The following ASB5 variants were observed in gnomAD, a reference collection of about 807,000 sequenced individuals.
ASB5 encodes the protein ankyrin repeat and SOCS box protein 5.
Under a neutral mutation model 42.1 loss-of-function variants are expected in ASB5, and 45 were observed. That is an observed-to-expected ratio of 1.07 (90% confidence interval 0.84 to 1.37). The LOEUF (loss-of-function observed/expected upper bound fraction) is 1.37, where lower values mean the gene tolerates loss of function less well. Ranked by LOEUF, ASB5 falls within the 40% of genes most tolerant of loss-of-function variation. The probability of loss-of-function intolerance (pLI) is 0.00; values close to 1 mark genes in which losing one functional copy is unlikely to be tolerated. For missense variants in ASB5, 402 were observed against 399.8 expected, an observed-to-expected ratio of 1.01 and a Z score of -0.05; for synonymous variants, 147 against 150.6, an observed-to-expected ratio of 0.98 and a Z score of 0.18.
chr4:176,267,813 T>A (rs1292966440), intron 1 of ASB5, among the ~76,000 whole-genome samples: 2 of 152,156 alleles, frequency 1.3e-5, no homozygotes, highest in African/African-American at 4.8e-5. Flanking sequence ...AAACATGTAC[T>A]CACTATCTAC....
rs75110513 is a variant in ASB5 at position 176,251,804 on chromosome 4, C to T, written c.196+17109G>A. 4.5e-3 allele frequency among the ~76,000 whole-genome samples: 686 copies of T among 151,520 alleles called. 2 individuals carry two copies. Among genetic ancestry groups the T allele is most frequent in the African/African-American group, 0.015 (620 of 41,354 alleles). ...CACATAGGACCAGCATGATTGCTCA[C>T]GCCTATAATCCCAGCATTAGGCGGA... On this transcript the variant is annotated intron_variant, in intron 1 of 6. Transcript: ENST00000296525.
intron 1 of ASB5, among the ~76,000 whole-genome samples, chr4:176,251,136 G>C (rs948858114): frequency 6.6e-6 from 1 of 151,684 alleles, no homozygotes; most frequent in Non-Finnish European, 1.5e-5. Flanking sequence ...TCCTCCCCAT[G>C]GCTCTAGCCA....
At chr4:176,275,521 A>T (rs1487991476) in intron 2 of ASB5, among the ~76,000 whole-genome samples, 2 of 152,226 alleles carry the variant, frequency 1.3e-5, no homozygotes, top group African/African-American at 4.8e-5. Context: ...CAATACTAGT[A>T]CATAGTTCAC....
intron 2 of ASB5, among the ~76,000 whole-genome samples, chr4:176,275,506 A>G (rs1268947849): frequency 6.6e-6 from 1 of 152,216 alleles, no homozygotes; most frequent in Non-Finnish European, 1.5e-5. Context: ...TTTATATAAC[A>G]TGAGCAATAC....
chr4:176,258,385 T>A (rs1227970941), intron 1 of ASB5, among the ~76,000 whole-genome samples: 1 of 152,210 alleles, frequency 6.6e-6, no homozygotes, highest in Non-Finnish European at 1.5e-5. Flanking sequence ...TTAACCTCCA[T>A]ATTCTCTTTT....
intron 1 of ASB5, chr4:176,249,651 T>G (rs1454137708): frequency 6.6e-6 from 1 of 152,186 alleles, no homozygotes; most frequent in Non-Finnish European, 1.5e-5. Flanking sequence ...AAATTTCTCC[T>G]CATATGAAAC....
intron 1 of ASB5, among the ~76,000 whole-genome samples, chr4:176,238,206 CAAAA>C (rs3060874): frequency 4.9e-5 from 5 of 101,168 alleles, no homozygotes; most frequent in Admixed American, 1.1e-4. Flanking sequence ...GACTCCGTCT[CAAAA>C]AAAAAAAAAA....
chr4:176,242,307 C>G (rs762601410), intron 1 of ASB5, among the ~76,000 whole-genome samples: 3 of 152,150 alleles, frequency 2.0e-5, no homozygotes, highest in Non-Finnish European at 4.4e-5. Flanking sequence ...CTTGTTTTCT[C>G]TATTATTGTG....
chr4:176,248,855 T>C (rs1753963096), intron 1 of ASB5, among the ~76,000 whole-genome samples: 1 of 152,166 alleles, frequency 6.6e-6, no homozygotes, highest in South Asian at 2.1e-4. Flanking sequence ...AACTAGTCAC[T>C]CGGTCTTGAT....
At chr4:176,235,061 T>C (rs1379025025) in intron 1 of ASB5, among the ~76,000 whole-genome samples, 1 of 152,206 alleles carries the variant, frequency 6.6e-6, no homozygotes, top group African/African-American at 2.4e-5. Flanking sequence ...ACAATATTCT[T>C]TTCAACCCTA....
At position 176,216,393 on chromosome 4, in the gene ASB5, C is replaced by T. The variant is rs946401637; in HGVS notation, c.862+425G>A. Among the ~76,000 whole-genome samples, 11 of 152,100 alleles carry T rather than the reference C, an allele frequency of 7.2e-5. No homozygotes were observed. The East Asian group carries it at 2.1e-3, about 29-fold the overall frequency. ...TTTAGATGGAGTCTCACTCTGTTGCCAGGTTGGAGTGCAGTGGCGTAATCC... is the reference window on the plus strand; with the variant it reads ...TTTAGATGGAGTCTCACTCTGTTGCTAGGTTGGAGTGCAGTGGCGTAATCC... On this transcript the variant is annotated intron_variant, in intron 6 of 6. Coordinates refer to ENST00000296525, the MANE Select transcript of ASB5 (RefSeq NM_080874.4).
At chr4:176,267,925 G>A (rs1239096801) in intron 1 of ASB5, among the ~76,000 whole-genome samples, 1 of 152,064 alleles carries the variant, frequency 6.6e-6, no homozygotes, top group Non-Finnish European at 1.5e-5. Context: ...GAAAAATGTA[G>A]GAACATGGAT....
intron 1 of ASB5, among the ~76,000 whole-genome samples, chr4:176,261,204 C>T (rs531176825): frequency 1.3e-5 from 2 of 152,224 alleles, no homozygotes; most frequent in South Asian, 2.1e-4. Flanking sequence ...ACCATGGAAC[C>T]ACTCTGAGGA....
rs1754424539 is a variant in ASB5 at position 176,269,198 on chromosome 4, C to G, written c.-90G>C. On this transcript the variant is annotated 5_prime_UTR_variant, in exon 1 of 7. Coordinates refer to ENST00000296525, the MANE Select transcript of ASB5 (RefSeq NM_080874.4). ...CCGGGATGCTCCTGAACAGCTGGTC[C>G]TGAGGAAAGAAAATATCAGCTGGTA... The G allele has an allele frequency of 8.5e-7, 1 of 1,183,276 alleles. No individual in the cohort carries two copies. Among genetic ancestry groups the G allele is most frequent in the African/African-American group, 1.6e-5 (1 of 64,510 alleles). The allele number at this position is 1,183,276 out of a possible 1,614,324, so 73.3% of individuals were successfully genotyped here. A position where few individuals can be genotyped will look rare whatever the true frequency, so the allele number is the denominator to read the frequency against.
chr4:176,234,102 A>G (rs1428291642), intron 1 of ASB5, among the ~76,000 whole-genome samples: 1 of 152,174 alleles, frequency 6.6e-6, no homozygotes, highest in Admixed American at 6.5e-5. Context: ...ATGTATTGCA[A>G]AAGTCTCCTA....
Position 176,214,135 on chromosome 4 carries a change from A to T in ASB5, c.*1465T>A, listed in dbSNP as rs1752906020. 1 of 152,168 alleles carries T rather than the reference A, an allele frequency of 6.6e-6. No homozygotes were observed. The highest frequency in any genetic ancestry group is 2.4e-5 in the African/African-American group (1 of 41,458). The allele number at this position is 152,168 out of a possible 1,614,324, so 9.4% of individuals were successfully genotyped here. On this transcript the variant is annotated 3_prime_UTR_variant, in exon 7 of 7. Coordinates refer to ENST00000296525, the MANE Select transcript of ASB5 (RefSeq NM_080874.4). ...TTGAAAATCTCAACAAACGTTTTAA[A>T]TCACAACTGATTTTTTTTCTTTCTG...
intron 1 of ASB5, among the ~76,000 whole-genome samples, chr4:176,252,133 G>A (rs965535252): frequency 3.3e-5 from 5 of 151,452 alleles, no homozygotes; most frequent in South Asian, 2.1e-4. Context: ...TTTATTTGGC[G>A]GAGTGTGCAG....
At chr4:176,216,712 A>G in intron 6 of ASB5, 106 bp downstream of exon 6, 1 of 931,966 alleles carries the variant, frequency 1.1e-6, no homozygotes, top group Non-Finnish European at 1.6e-6. Flanking sequence ...AATATTCCAC[A>G]TTTTATGCCA....
intron 1 of ASB5, among the ~76,000 whole-genome samples, chr4:176,261,859 C>A (rs548509468): frequency 6.6e-6 from 1 of 151,884 alleles, no homozygotes; most frequent in African/African-American, 2.4e-5. Context: ...TCACACATGG[C>A]AAACATATAC....
Sources: allele counts gnomAD v4.1 joint callset (sites outside exome capture counted in the v4.1 genomes callset), GRCh38; gene constraint gnomAD v4.1.1; transcripts MANE v1.5; gene names NCBI Gene and HGNC (gene_info 2026-07-23, HGNC 2026-07-21).